Variants in KLHL32 observed in about 807,000 individuals in gnomAD.
KLHL32 encodes kelch like family member 32, also known as kelch-like protein 32.
In KLHL32, 35 loss-of-function variants were observed where a neutral mutation model predicts 64.8. The observed-to-expected ratio is 0.54, with a 90% CI of 0.41 to 0.72. The LOEUF (loss-of-function observed/expected upper bound fraction) is 0.72. Ranked by LOEUF, KLHL32 falls within the 30% of genes least tolerant of loss-of-function variation. The probability of loss-of-function intolerance (pLI) is 0.00; values close to 1 mark genes in which losing one functional copy is unlikely to be tolerated. For missense variants in KLHL32, 589 were observed against 768.5 expected, an observed-to-expected ratio of 0.77 and a Z score of 2.76; for synonymous variants, 259 against 281.0, an observed-to-expected ratio of 0.92 and a Z score of 0.78.
chr6:96,988,646 C>T (rs549335542), intron 3 of KLHL32, among the ~76,000 whole-genome samples: 2 of 152,212 alleles, frequency 1.3e-5, no homozygotes, highest in Non-Finnish European at 2.9e-5. Flanking sequence ...TATAAAGATA[C>T]ATGCACACGT....
In KLHL32 at chr6:97,085,136, G is replaced by C; in HGVS notation, c.422G>C (p.Ser141Thr). 6.2e-7 allele frequency: 1 copy of C among 1,611,590 alleles called. No individual in the cohort carries two copies. Among genetic ancestry groups the C allele is most frequent in the Non-Finnish European group, 8.5e-7 (1 of 1,178,494 alleles). ...TTTTTTGGCACCCAGGAATTAAATA[G>C]CTTTAATTACTTGGATCTGTACAGA... ...CSHYLIQELNSFNYLDLYRLA... is the reference protein window; with the variant it reads ...CSHYLIQELNTFNYLDLYRLA... The change falls in exon 6 of 11, where the codon AGC (serine) becomes ACC (threonine). Residue 141 changes from serine to threonine, a missense_variant. Transcript: ENST00000369261.
At chr6:96,989,384 T>C (rs1489178375) in intron 3 of KLHL32, among the ~76,000 whole-genome samples, 1 of 152,210 alleles carries the variant, frequency 6.6e-6, no homozygotes, top group African/African-American at 2.4e-5. Context: ...TATGAATTTC[T>C]TGGATGGAAT....
chr6:97,128,045 C>G (rs531263341), intron 8 of KLHL32, among the ~76,000 whole-genome samples: 3 of 152,210 alleles, frequency 2.0e-5, no homozygotes, highest in Admixed American at 6.5e-5. Context: ...TATGGATGAA[C>G]CTTGGCAATT....
chr6:96,962,714 C>CACTAGTT (rs147008184), intron 1 of KLHL32, among the ~76,000 whole-genome samples: 2 of 151,874 alleles, frequency 1.3e-5, no homozygotes, highest in African/African-American at 2.4e-5. Context: ...TCAGCCTTTG[C>CACTAGTT]ACTAGGTACA....
At chr6:96,931,623 C>T (rs145830881) in intron 1 of KLHL32, among the ~76,000 whole-genome samples, 8 of 152,240 alleles carry the variant, frequency 5.3e-5, no homozygotes, top group African/African-American at 1.7e-4. Flanking sequence ...AATTCAGATG[C>T]ATTTTTACTA....
the KLHL32 span, among the ~76,000 whole-genome samples, chr6:96,898,115 G>GCT: frequency 7.3e-3 from 1,107 of 152,368 alleles, 21 homozygotes; most frequent in African/African-American, 0.025. Flanking sequence ...CACCCGGGAA[G>GCT]CTCTGTAAAG....
At chr6:97,138,909 T>C (rs191579215) in intron 10 of KLHL32, among the ~76,000 whole-genome samples, 2 of 152,318 alleles carry the variant, frequency 1.3e-5, no homozygotes, top group Admixed American at 6.5e-5. Flanking sequence ...CATGTATGTA[T>C]ATATGTACAT....
intron 2 of KLHL32, among the ~76,000 whole-genome samples, chr6:96,973,467 A>C (rs2128041127): frequency 6.6e-6 from 1 of 152,294 alleles, no homozygotes; most frequent in African/African-American, 2.4e-5. Flanking sequence ...GGAGAAAGTA[A>C]GTTGTGAAAG....
At chr6:97,015,250 A>T (rs1304370485) in intron 3 of KLHL32, among the ~76,000 whole-genome samples, 1 of 152,194 alleles carries the variant, frequency 6.6e-6, no homozygotes, top group African/African-American at 2.4e-5. Flanking sequence ...GATACTGCAG[A>T]GAGTAGGGTA....
At chr6:96,979,670 G>A (rs961580442) in intron 3 of KLHL32, among the ~76,000 whole-genome samples, 2 of 152,074 alleles carry the variant, frequency 1.3e-5, no homozygotes, top group Admixed American at 1.3e-4. Flanking sequence ...ATGAATTTTA[G>A]AATAGGTTTT....
intron 5 of KLHL32, among the ~76,000 whole-genome samples, chr6:97,073,299 T>C (rs550197368): frequency 6.6e-6 from 1 of 152,330 alleles, no homozygotes; most frequent in East Asian, 1.9e-4. Context: ...TCTCTTTGAT[T>C]TTGCTGAAAT....
chr6:96,898,438 A>G, the KLHL32 span, among the ~76,000 whole-genome samples: 1 of 151,670 alleles, frequency 6.6e-6, no homozygotes, highest in Admixed American at 6.6e-5. Flanking sequence ...AATGCCTCTT[A>G]TTTTCCTGTC....
At chr6:97,027,819 G>A (rs1209050051) in intron 3 of KLHL32, among the ~76,000 whole-genome samples, 1 of 152,152 alleles carries the variant, frequency 6.6e-6, no homozygotes, top group East Asian at 1.9e-4. Context: ...TTGGCTTCAA[G>A]CACTAACATT....
At chr6:96,949,660 C>G (rs958975251) in intron 1 of KLHL32, among the ~76,000 whole-genome samples, 7 of 152,148 alleles carry the variant, frequency 4.6e-5, no homozygotes, top group Non-Finnish European at 1.0e-4. Context: ...TTCATAAGAT[C>G]ATATCTTCAG....
intron 3 of KLHL32, among the ~76,000 whole-genome samples, chr6:97,007,696 G>T (rs9400498): frequency 0.16 from 23,951 of 152,058 alleles, 2,156 homozygotes; most frequent in East Asian, 0.38. Flanking sequence ...GAGTTTGATT[G>T]TGCTATAAGG....
chr6:97,012,186 CT>C (rs1241816037), intron 3 of KLHL32, among the ~76,000 whole-genome samples: 1 of 152,164 alleles, frequency 6.6e-6, no homozygotes, highest in Non-Finnish European at 1.5e-5. Flanking sequence ...AATAGACCCC[CT>C]GGCCAAAGAT....
At chr6:97,100,799 CTTTT>C (rs763909891) in intron 6 of KLHL32, among the ~76,000 whole-genome samples, 1 of 96,272 alleles carries the variant, frequency 1.0e-5, no homozygotes, top group Non-Finnish European at 2.0e-5. Context: ...GCTCATTATT[CTTTT>C]TTTTTTTTTT....
chr6:97,101,704 GTTTA>G lies in KLHL32; in HGVS notation c.628-12075_628-12072del, dbSNP rs577005684. Among the ~76,000 whole-genome samples the G allele has an allele frequency of 8.0e-4, 122 of 152,268 alleles. 1 individual carries two copies. Among genetic ancestry groups the G allele is most frequent in the Non-Finnish European group, 1.4e-3 (94 of 68,018 alleles). ...TAAATTACTGGATTAGAATTACTGA[GTTTA>G]TTTGTGTGAAATATGGTTAATCATA... On this transcript the variant is annotated intron_variant, in intron 6 of 10. Coordinates refer to ENST00000369261, the MANE Select transcript of KLHL32 (RefSeq NM_052904.4).
chr6:97,135,299 ATTTTTTTT>A (rs747635380), intron 10 of KLHL32, among the ~76,000 whole-genome samples: 75 of 109,572 alleles, frequency 6.8e-4, no homozygotes, highest in African/African-American at 2.5e-3. Context: ...AAATTTGTTA[ATTTTTTTT>A]TTTTTTTTTT....
Sources: gnomAD v4.1 joint callset for allele counts (sites outside exome capture counted in the v4.1 genomes callset) on GRCh38, gnomAD v4.1.1 for gene constraint, MANE v1.5 for transcripts, NCBI Gene and HGNC (gene_info 2026-07-23, HGNC 2026-07-21) for gene names.